ARHGAP6: variants seen among roughly 807,000 people sequenced by gnomAD.
The protein encoded by ARHGAP6 is rho GTPase-activating protein 6.
A neutral mutation model predicts 55.7 loss-of-function variants in ARHGAP6; 16 were observed. That is an observed-to-expected ratio of 0.29 (90% CI 0.19 to 0.44). The LOEUF (loss-of-function observed/expected upper bound fraction) is 0.44. Among genes scored for constraint, ARHGAP6 ranks in the 20% least tolerant of loss-of-function variants. The pLI is 1.00. For synonymous variants in ARHGAP6, 382 were observed against 360.9 expected (o/e 1.06, Z -0.66); for missense variants, 698 against 808.9 (o/e 0.86, Z 1.66).
intron 1 of ARHGAP6, among the ~76,000 whole-genome samples, chrX:11,526,889 T>G (rs5933897): frequency 0.018 from 2,013 of 111,659 alleles, 28 homozygotes; most frequent in Middle Eastern, 0.064. Context: ...TTAGTAATTC[T>G]AACTATGAGA....
intron 1 of ARHGAP6, among the ~76,000 whole-genome samples, chrX:11,518,600 C>G (rs1252448599): frequency 9.4e-6 from 1 of 106,036 alleles, no homozygotes; most frequent in Non-Finnish European, 1.9e-5. Context: ...AAAAAAATCT[C>G]TTCCTCAAGG....
chrX:11,336,266 A>G (rs1226128350), intron 1 of ARHGAP6, among the ~76,000 whole-genome samples: 1 of 111,443 alleles, frequency 9.0e-6, no homozygotes, highest in Non-Finnish European at 1.9e-5. Flanking sequence ...GGCATTTTCT[A>G]CTTCATAATT....
At chrX:11,247,162 G>A (rs1218798383) in intron 2 of ARHGAP6, among the ~76,000 whole-genome samples, 1 of 111,565 alleles carries the variant, frequency 9.0e-6, no homozygotes. Flanking sequence ...GAGCAATTTT[G>A]AGGCATTGGG....
intron 2 of ARHGAP6, among the ~76,000 whole-genome samples, chrX:11,238,385 A>G (rs1316483976): frequency 8.9e-6 from 1 of 112,294 alleles, no homozygotes; most frequent in Middle Eastern, 4.2e-3. Flanking sequence ...ATTTCTTTAT[A>G]TGAACTGTTT....
chrX:11,478,564 G>C (rs2050425722), intron 1 of ARHGAP6, among the ~76,000 whole-genome samples: 1 of 111,819 alleles, frequency 8.9e-6, no homozygotes, highest in East Asian at 2.8e-4. Context: ...AACTTCCTGG[G>C]GTGATGGAGA....
intron 10 of ARHGAP6, among the ~76,000 whole-genome samples, chrX:11,150,355 T>C (rs968789435): frequency 9.0e-6 from 1 of 111,390 alleles, no homozygotes; most frequent in African/African-American, 3.3e-5. Flanking sequence ...GCATCCCTTA[T>C]GCGGAACTTA....
At chrX:11,306,844 A>G (rs1192810018) in intron 1 of ARHGAP6, among the ~76,000 whole-genome samples, 1 of 112,363 alleles carries the variant, frequency 8.9e-6, no homozygotes, top group Non-Finnish European at 1.9e-5. Context: ...CTGTAACTCA[A>G]AATGAAGAAT....
intron 1 of ARHGAP6, among the ~76,000 whole-genome samples, chrX:11,262,938 G>C (rs1003079152): frequency 9.0e-6 from 1 of 110,952 alleles, no homozygotes; most frequent in African/African-American, 3.3e-5. Flanking sequence ...TGAATTTCTT[G>C]TGGAAGGCTT....
chrX:11,167,682 G>C (rs2046034914), intron 9 of ARHGAP6, among the ~76,000 whole-genome samples: 1 of 111,667 alleles, frequency 9.0e-6, no homozygotes, highest in African/African-American at 3.3e-5. Context: ...ATATAAAGGA[G>C]AACTTTGCTT....
intron 1 of ARHGAP6, among the ~76,000 whole-genome samples, chrX:11,651,102 C>T (rs1229275406): frequency 3.6e-5 from 4 of 111,557 alleles, no homozygotes; most frequent in Non-Finnish European, 5.7e-5. Context: ...GCATCAGCAG[C>T]GGGAATCTAG....
chrX:11,461,409 G>C (rs2050243520), intron 1 of ARHGAP6, among the ~76,000 whole-genome samples: 1 of 111,869 alleles, frequency 8.9e-6, no homozygotes, highest in African/African-American at 3.3e-5. Flanking sequence ...AAAAGCAAGA[G>C]AGTGAGAGAG....
intron 1 of ARHGAP6, among the ~76,000 whole-genome samples, chrX:11,508,852 T>TACACACAC (rs199575300): frequency 0.017 from 1,740 of 101,957 alleles, 28 homozygotes; most frequent in African/African-American, 0.049. Context: ...CAACTCATAC[T>TACACACAC]ACACACACAC....
At chrX:11,437,988 G>A (rs2050003206) in intron 1 of ARHGAP6, among the ~76,000 whole-genome samples, 1 of 112,583 alleles carries the variant, frequency 8.9e-6, no homozygotes, top group Non-Finnish European at 1.9e-5. Context: ...TTGTTCCTAC[G>A]TCCAGAGGTC....
chrX:11,397,106 T>G (rs1380421228), intron 1 of ARHGAP6, among the ~76,000 whole-genome samples: 1 of 111,468 alleles, frequency 9.0e-6, no homozygotes, highest in Non-Finnish European at 1.9e-5. Flanking sequence ...AAACTCCTTT[T>G]GATGGAAGTT....
At chrX:11,496,682 A>G (rs775877422) in intron 1 of ARHGAP6, among the ~76,000 whole-genome samples, 7 of 112,371 alleles carry the variant, frequency 6.2e-5, no homozygotes, top group Non-Finnish European at 1.3e-4. Flanking sequence ...GTTGGACCCA[A>G]GTCTTCATTT....
At chrX:11,333,270 G>T (rs921566061) in intron 1 of ARHGAP6, among the ~76,000 whole-genome samples, 1 of 111,812 alleles carries the variant, frequency 8.9e-6, no homozygotes. Context: ...GGAGGTAACT[G>T]AGTCAATGGG....
intron 1 of ARHGAP6, among the ~76,000 whole-genome samples, chrX:11,290,029 A>C (rs924756315): frequency 1.8e-5 from 2 of 111,720 alleles, no homozygotes; most frequent in African/African-American, 6.5e-5. Context: ...ATTTGTTTGG[A>C]GTATATTATA....
At chrX:11,443,573 CTCTT>C (rs1014085699) in intron 1 of ARHGAP6, among the ~76,000 whole-genome samples, 1 of 112,262 alleles carries the variant, frequency 8.9e-6, no homozygotes. Context: ...TGTCAGCTCT[CTCTT>C]TATTTCTTGA....
chrX:11,540,672 A>G (rs970069546), intron 1 of ARHGAP6, among the ~76,000 whole-genome samples: 1 of 112,360 alleles, frequency 8.9e-6, no homozygotes, highest in Non-Finnish European at 1.9e-5. Flanking sequence ...TGGCACCAAG[A>G]AGGCTTGAGA....
Sources: gnomAD v4.1 joint callset for allele counts (sites outside exome capture counted in the v4.1 genomes callset) on GRCh38, gnomAD v4.1.1 for gene constraint, MANE v1.5 for transcripts, NCBI Gene and HGNC (gene_info 2026-07-23, HGNC 2026-07-21) for gene names.